Variants in OVAAL observed in about 807,000 individuals in gnomAD.
OVAAL encodes the protein long intergenic non-protein coding RNA 1131.
intron 1 of OVAAL, among the ~76,000 whole-genome samples, chr1:180,560,940 A>AT (rs1161905571): frequency 2.6e-5 from 4 of 152,318 alleles, no homozygotes; most frequent in African/African-American, 7.2e-5. Context: ...CCACGCTTAC[A>AT]TTTTTTAAAG....
Position 180,561,674 on chromosome 1 carries a change from A to T in OVAAL, n.373-530A>T, listed in dbSNP as rs369433210. Among the ~76,000 whole-genome samples the T allele has an allele frequency of 3.9e-5, 6 of 152,264 alleles. No homozygotes were observed. The East Asian group carries it at 7.7e-4, about 20-fold the overall frequency. On this transcript the variant is annotated intron_variant and non_coding_transcript_variant, in intron 1 of 2. Coordinates refer to ENST00000673955, the Ensembl canonical transcript of OVAAL. The stretch of plus-strand genomic sequence containing the variant: ...AAACCCCAACAAGTTGGTCTGGAAA[A>T]TCGAAGACCAGCAAGTGGGTATGGT...
chr1:180,561,598 A>T (rs1234703768), intron 1 of OVAAL, among the ~76,000 whole-genome samples: 1 of 152,204 alleles, frequency 6.6e-6, no homozygotes, highest in African/African-American at 2.4e-5. Context: ...GTCATTGTTC[A>T]TCTTGATCTG....
intron 1 of OVAAL, among the ~76,000 whole-genome samples, chr1:180,561,055 TAGTGATAATAGAAAAGGG>T (rs1232586889): frequency 6.6e-6 from 1 of 152,056 alleles, no homozygotes; most frequent in East Asian, 1.9e-4. Flanking sequence ...CTCAGTGAAT[TAGTGATAATAGAAAAGGG>T]CACAAAAAGG....
chr1:180,562,550 A>G (rs1164687538), intron 2 of OVAAL, among the ~76,000 whole-genome samples: 5 of 152,182 alleles, frequency 3.3e-5, no homozygotes, highest in Admixed American at 6.5e-5. Flanking sequence ...TCAGGGATCT[A>G]TAAAGCCCTA....
intron 1 of OVAAL, among the ~76,000 whole-genome samples, chr1:180,561,463 T>A (rs1259014008): frequency 2.3e-5 from 2 of 85,260 alleles, no homozygotes; most frequent in Non-Finnish European, 5.1e-5. Context: ...GAACAGGAGA[T>A]CCATGGATAT....
chr1:180,562,133 G>A (rs1557912688), intron 1 of OVAAL: 1 of 152,280 alleles, frequency 6.6e-6, no homozygotes, highest in Non-Finnish European at 1.5e-5. Context: ...AGGCTTTCTG[G>A]TCAGTCTGGA....
chr1:180,565,613 A>G (rs1437224369), exon 3 of OVAAL: 1 of 152,190 alleles, frequency 6.6e-6, no homozygotes, highest in East Asian at 1.9e-4. Flanking sequence ...TTCGTTTGGA[A>G]TTCAACCCAA....
chr1:180,561,109 A>T (rs915550998), intron 1 of OVAAL, among the ~76,000 whole-genome samples: 3 of 152,154 alleles, frequency 2.0e-5, no homozygotes, highest in Admixed American at 2.0e-4. Flanking sequence ...GTTATCTGGT[A>T]TATTTGCTCT....
chr1:180,566,145 A>G (rs1277936818), exon 3 of OVAAL: 1 of 152,234 alleles, frequency 6.6e-6, no homozygotes, highest in East Asian at 1.9e-4. Flanking sequence ...TCTATCGAGC[A>G]GATGTGCAAG....
chr1:180,564,021 T>G (rs1653254443), intron 2 of OVAAL, among the ~76,000 whole-genome samples: 1 of 152,194 alleles, frequency 6.6e-6, no homozygotes, highest in Admixed American at 6.5e-5. Context: ...AGCTACCTAC[T>G]GTAACAGGAT....
Position 180,563,668 on chromosome 1 carries a change from G to A in OVAAL, n.513+1324G>A, listed in dbSNP as rs539227555. Among the ~76,000 whole-genome samples the A allele has an allele frequency of 5.3e-5, 8 of 152,298 alleles. No individual in the cohort carries two copies. The South Asian group carries it at 1.7e-3, about 32-fold the overall frequency. ...CTGCTAGCACTTGGGAGGTGAGCAT[G>A]CGCAGTGTGTTTACTGGAGTTGTAC... is the stretch of plus-strand genomic sequence containing the variant. On this transcript the variant is annotated intron_variant and non_coding_transcript_variant, in intron 2 of 2. Coordinates refer to ENST00000673955, the Ensembl canonical transcript of OVAAL.
At chr1:180,559,632 G>C (rs1295281668) in intron 1 of OVAAL, among the ~76,000 whole-genome samples, 2 of 152,134 alleles carry the variant, frequency 1.3e-5, no homozygotes, top group African/African-American at 4.8e-5. Context: ...ACCCGGCCGG[G>C]CACGGTGGTT....
At chr1:180,559,810 G>T (rs944784247) in intron 1 of OVAAL, among the ~76,000 whole-genome samples, 2 of 151,842 alleles carry the variant, frequency 1.3e-5, no homozygotes, top group African/African-American at 2.4e-5. Context: ...GGAGGCTGAG[G>T]CAGGAGAATC....
intron 1 of OVAAL, among the ~76,000 whole-genome samples, chr1:180,559,704 G>A (rs531049273): frequency 3.9e-5 from 6 of 152,026 alleles, no homozygotes; most frequent in African/African-American, 1.4e-4. Context: ...TCAGGAGCTC[G>A]AGACCAGCCT....
chr1:180,559,865 C>G (rs1039502049), intron 1 of OVAAL, among the ~76,000 whole-genome samples: 3 of 147,682 alleles, frequency 2.0e-5, no homozygotes, highest in African/African-American at 7.5e-5. Flanking sequence ...AAGATCACGA[C>G]ACTGCACTCC....
intron 1 of OVAAL, among the ~76,000 whole-genome samples, chr1:180,561,761 G>A (rs908455975): frequency 9.2e-5 from 14 of 151,908 alleles, no homozygotes; most frequent in African/African-American, 3.1e-4. Context: ...AGCGGCTCAC[G>A]CCTGTAATCC....
chr1:180,566,138 A>G (rs999716733), exon 3 of OVAAL: 1 of 152,232 alleles, frequency 6.6e-6, no homozygotes, highest in Non-Finnish European at 1.5e-5. Context: ...ACAACTGTCT[A>G]TCGAGCAGAT....
chr1:180,563,941 A>G (rs1383076521), intron 2 of OVAAL, among the ~76,000 whole-genome samples: 1 of 151,942 alleles, frequency 6.6e-6, no homozygotes, highest in East Asian at 1.9e-4. Flanking sequence ...TGGCCTGACC[A>G]TCACCCGATG....
intron 1 of OVAAL, among the ~76,000 whole-genome samples, chr1:180,561,741 G>A (rs942220344): frequency 2.0e-5 from 3 of 151,956 alleles, no homozygotes; most frequent in Admixed American, 2.0e-4. Flanking sequence ...TTAGAGTTCT[G>A]GCCAGGTGCA....
Sources: allele counts gnomAD v4.1 joint callset (sites outside exome capture counted in the v4.1 genomes callset), GRCh38; gene constraint gnomAD v4.1.1; transcripts MANE v1.5; gene names NCBI Gene and HGNC (gene_info 2026-07-23, HGNC 2026-07-21).